PIK3AP1: variants seen among roughly 807,000 people sequenced by gnomAD.
PIK3AP1 encodes the protein phosphoinositide-3-kinase adaptor protein 1, also known as phosphoinositide 3-kinase adapter protein 1.
PIK3AP1 carries 21 observed loss-of-function variants against 88.1 expected under a neutral mutation model. The observed-to-expected ratio is 0.24, with a 90% CI of 0.17 to 0.34. PIK3AP1 has a LOEUF of 0.34. Ranked by LOEUF, PIK3AP1 falls within the 10% of genes least tolerant of loss-of-function variation. The pLI is 1.00. For synonymous variants in PIK3AP1, 398 were observed against 400.0 expected (o/e 1.00, Z 0.06); for missense variants, 828 against 1,035.7 (o/e 0.80, Z 2.75).
intron 4 of PIK3AP1, 71 bp downstream of exon 4, chr10:96,652,618 CTGGCATTGG>C (rs1356835232): frequency 4.0e-6 from 6 of 1,495,850 alleles, no homozygotes; most frequent in Admixed American, 1.8e-5. Context: ...ATGATAATAC[CTGGCATTGG>C]TGGCATTGGT....
chr10:96,633,330 GT>G, intron 8 of PIK3AP1: 1 of 320,164 alleles, frequency 3.1e-6, no homozygotes, highest in Non-Finnish European at 5.7e-6. Flanking sequence ...TCAACTGAAG[GT>G]CAAAATCTTA....
chr10:96,667,142 A>G (rs945578911), intron 2 of PIK3AP1, among the ~76,000 whole-genome samples: 2 of 152,260 alleles, frequency 1.3e-5, no homozygotes, highest in African/African-American at 4.8e-5. Context: ...GGAACCATCC[A>G]TGGTCTTCCA....
rs778934212 is a variant in PIK3AP1 at position 96,656,873 on chromosome 10, C to T, written c.492G>A (p.Ser164=). The T allele has an allele frequency of 2.5e-5, 40 of 1,613,988 alleles. No homozygotes were observed. The highest frequency in any genetic ancestry group is 3.1e-5 in the Non-Finnish European group (36 of 1,180,044). The change falls in exon 3 of 17, where the codon TCG becomes TCA. Residue 164 remains serine (S), a synonymous_variant. Coordinates refer to ENST00000339364, the MANE Select transcript of PIK3AP1 (RefSeq NM_152309.3). ...TCACCGTCGGCAGGTTCTGCTGCTT[C>T]GAGTAGGAAACAACCTTCTCGTCCT... ...EPEDEKVVSY[S]KQQNLPTVTS...
At position 96,709,922 on chromosome 10, in the gene PIK3AP1, C is replaced by T. The variant is rs202093664; in HGVS notation, c.75G>A (p.Gln25=). The change falls in exon 2 of 17, where the codon CAG becomes CAA. Residue 25 remains glutamine (Q), a synonymous_variant. Coordinates refer to ENST00000339364, the MANE Select transcript of PIK3AP1 (RefSeq NM_152309.3). ...VYSPDAEEWC[Q]YLQTLFLSSR... ...TGGACAGGAACAGGGTCTGCAGGTACTGGCACCATTCCTCGGCATCCGGGC... is the reference window on the plus strand; with the variant it reads ...TGGACAGGAACAGGGTCTGCAGGTATTGGCACCATTCCTCGGCATCCGGGC... The T allele has an allele frequency of 1.3e-5, 21 of 1,609,596 alleles. No homozygotes were observed. In the East Asian group the frequency reaches 4.7e-4, roughly 36 times the overall value.
rs1291859749 is a variant in PIK3AP1 at position 96,656,888 on chromosome 10, C to T, written c.477G>A (p.Lys159=). 1.9e-6 allele frequency: 3 copies of T among 1,614,086 alleles called. No homozygotes were observed. The South Asian group carries it at 3.3e-5, about 18-fold the overall frequency. Residue 159 remains lysine, a synonymous_variant, in exon 3 of 17, where the codon AAG becomes AAA. Transcript: ENST00000339364. ...SVTDTEPEDE[K]VVSYSKQQNL... ...TCTGCTGCTTCGAGTAGGAAACAACCTTCTCGTCCTCAGGCTCAGTGTCAG... is the reference window on the plus strand; with the variant it reads ...TCTGCTGCTTCGAGTAGGAAACAACTTTCTCGTCCTCAGGCTCAGTGTCAG...
At chr10:96,709,157 T>C (rs1844405543) in intron 2 of PIK3AP1, among the ~76,000 whole-genome samples, 1 of 151,698 alleles carries the variant, frequency 6.6e-6, no homozygotes. Context: ...AAAACCCTTT[T>C]TTAACAAAAA....
chr10:96,652,952 C>G, intron 3 of PIK3AP1, 110 bp from the exon 4 acceptor site: 2 of 1,298,494 alleles, frequency 1.5e-6, no homozygotes. Context: ...GTGAGAATCT[C>G]TGGGGACAGG....
chr10:96,659,793 C>A (rs1423108765), intron 2 of PIK3AP1, among the ~76,000 whole-genome samples: 1 of 150,808 alleles, frequency 6.6e-6, no homozygotes, highest in Admixed American at 6.6e-5. Context: ...AAATCAATAA[C>A]CATGAAAAAA....
intron 2 of PIK3AP1, among the ~76,000 whole-genome samples, chr10:96,665,571 C>T (rs373301490): frequency 1.3e-5 from 2 of 152,186 alleles, no homozygotes; most frequent in South Asian, 4.1e-4. Context: ...TCCTTAGATA[C>T]GTTCTTTATG....
At chr10:96,677,628 A>ACAC (rs1843942998) in intron 2 of PIK3AP1, among the ~76,000 whole-genome samples, 3 of 123,906 alleles carry the variant, frequency 2.4e-5, no homozygotes, top group Non-Finnish European at 1.7e-5. Flanking sequence ...CACACACACA[A>ACAC]AAGGCCTTTG....
intron 2 of PIK3AP1, among the ~76,000 whole-genome samples, chr10:96,706,522 A>C (rs1844366178): frequency 6.6e-6 from 1 of 152,194 alleles, no homozygotes. Flanking sequence ...TGTGGCAAGA[A>C]GGTCATACTT....
At chr10:96,607,956 G>T (rs891622715) in intron 14 of PIK3AP1, among the ~76,000 whole-genome samples, 1 of 152,190 alleles carries the variant, frequency 6.6e-6, no homozygotes, top group African/African-American at 2.4e-5. Context: ...TATAACAGGG[G>T]CCGGGTGCAG....
At chr10:96,688,718 AACCCAGGAG>A (rs1335622868) in intron 2 of PIK3AP1, among the ~76,000 whole-genome samples, 1 of 152,032 alleles carries the variant, frequency 6.6e-6, no homozygotes, top group Non-Finnish European at 1.5e-5. Context: ...GAATCACTTA[AACCCAGGAG>A]GCGGAGGGTG....
intron 12 of PIK3AP1, among the ~76,000 whole-genome samples, chr10:96,617,239 C>CAT (rs1554953957): frequency 6.6e-6 from 1 of 152,218 alleles, no homozygotes; most frequent in Non-Finnish European, 1.5e-5. Flanking sequence ...GAGACCACGT[C>CAT]GTGTACCTTT....
At chr10:96,612,978 ATATATTTTTTTTTTTTTTTT>A (rs1564954877) in intron 13 of PIK3AP1, among the ~76,000 whole-genome samples, 565 of 46,738 alleles carry the variant, frequency 0.012, 3 homozygotes, top group East Asian at 0.047. Context: ...ATATATATAT[ATATATTTTTTTTTTTTTTTT>A]TTTTTTTTTT....
intron 16 of PIK3AP1, among the ~76,000 whole-genome samples, chr10:96,596,822 C>G (rs1013193866): frequency 3.9e-5 from 6 of 152,134 alleles, no homozygotes; most frequent in Non-Finnish European, 8.8e-5. Context: ...GGAAGCAAGT[C>G]AATAAGTCAA....
At chr10:96,691,576 G>T (rs1844155458) in intron 2 of PIK3AP1, among the ~76,000 whole-genome samples, 1 of 152,148 alleles carries the variant, frequency 6.6e-6, no homozygotes, top group African/African-American at 2.4e-5. Flanking sequence ...GTTATACGTT[G>T]GACTGGGGCC....
At chr10:96,658,497 T>G (rs1310134111) in intron 2 of PIK3AP1, among the ~76,000 whole-genome samples, 1 of 152,152 alleles carries the variant, frequency 6.6e-6, no homozygotes, top group East Asian at 1.9e-4. Flanking sequence ...AGGGCCTCAG[T>G]ACCACCGTAT....
rs1243936800 is a variant in PIK3AP1 at position 96,645,466 on chromosome 10, T to C, written c.1375+7A>G. 6.2e-7 allele frequency: 1 copy of C among 1,611,552 alleles called. No individual in the cohort carries two copies. On this transcript the variant is annotated splice_region_variant and intron_variant, in intron 8 of 16. Coordinates refer to ENST00000339364, the MANE Select transcript of PIK3AP1 (RefSeq NM_152309.3). ...AGGTGGAAGCAGAACTGGGTTGTGCTACTTACAGAGGTCTTCAGTGGCAGC... is the reference window on the plus strand; with the variant it reads ...AGGTGGAAGCAGAACTGGGTTGTGCCACTTACAGAGGTCTTCAGTGGCAGC...
Sources: gnomAD v4.1 joint callset for allele counts (sites outside exome capture counted in the v4.1 genomes callset) on GRCh38, gnomAD v4.1.1 for gene constraint, MANE v1.5 for transcripts, NCBI Gene and HGNC (gene_info 2026-07-23, HGNC 2026-07-21) for gene names.